Variants in ARHGEF3 observed in about 807,000 individuals in gnomAD.
ARHGEF3 encodes 59.8 kDA protein.
A neutral mutation model predicts 63.2 loss-of-function variants in ARHGEF3; 28 were observed. That is an observed-to-expected ratio of 0.44 (90% CI 0.33 to 0.61). The LOEUF is 0.61. ARHGEF3 is among the 20% of genes least tolerant of loss of function. ARHGEF3 has a pLI of 0.03. For missense variants in ARHGEF3, 533 were observed against 659.3 expected, an observed-to-expected ratio of 0.81 and a Z score of 2.10; for synonymous variants, 266 against 254.2, an observed-to-expected ratio of 1.05 and a Z score of -0.44.
intron 2 of ARHGEF3, among the ~76,000 whole-genome samples, chr3:56,766,890 A>G (rs1299978363): frequency 6.6e-6 from 1 of 152,256 alleles, no homozygotes; most frequent in Non-Finnish European, 1.5e-5. Flanking sequence ...AGACATACAC[A>G]TGATCAGGAT....
At chr3:56,917,616 T>C (rs1327335043) in intron 3 of ARHGEF3, among the ~76,000 whole-genome samples, 2 of 152,118 alleles carry the variant, frequency 1.3e-5, no homozygotes, top group African/African-American at 4.8e-5. Context: ...AGGAAATAAG[T>C]GAGCTTGGCA....
chr3:56,943,344 G>C (rs1699283458), intron 3 of ARHGEF3, among the ~76,000 whole-genome samples: 2 of 152,160 alleles, frequency 1.3e-5, no homozygotes, highest in African/African-American at 2.4e-5. Context: ...TACTTTGCCT[G>C]TGCTCTATAA....
intron 2 of ARHGEF3, among the ~76,000 whole-genome samples, chr3:57,002,423 A>T (rs1702233285): frequency 2.0e-5 from 1 of 50,742 alleles, no homozygotes; most frequent in African/African-American, 5.7e-5. Context: ...TGTTCTAAGC[A>T]CTATATATAT....
At chr3:57,062,738 C>A (rs1468800875) in intron 1 of ARHGEF3, among the ~76,000 whole-genome samples, 1 of 152,126 alleles carries the variant, frequency 6.6e-6, no homozygotes, top group Non-Finnish European at 1.5e-5. Flanking sequence ...TGCACACACA[C>A]ATACATACAC....
chr3:57,042,669 TATATATATATATATATATATATATATA>T (rs1251876713), intron 1 of ARHGEF3, among the ~76,000 whole-genome samples: 29 of 14,280 alleles, frequency 2.0e-3, no homozygotes, highest in African/African-American at 0.01. Context: ...TATATATATA[TATATATATATATATATATATATATATA>T]TATATTTTTT....
At chr3:56,988,896 A>G (rs1347320416) in intron 2 of ARHGEF3, among the ~76,000 whole-genome samples, 1 of 152,212 alleles carries the variant, frequency 6.6e-6, no homozygotes, top group African/African-American at 2.4e-5. Context: ...TTTGATGCCC[A>G]GACAACAGCA....
intron 1 of ARHGEF3, among the ~76,000 whole-genome samples, chr3:56,794,782 G>A (rs55708485): frequency 0.26 from 38,900 of 152,000 alleles, 5,875 homozygotes; most frequent in Middle Eastern, 0.49. Flanking sequence ...AGTGATAATC[G>A]TTGTTATCCT....
At chr3:57,003,729 A>G (rs1453839248) in intron 2 of ARHGEF3, among the ~76,000 whole-genome samples, 1 of 152,152 alleles carries the variant, frequency 6.6e-6, no homozygotes, top group Non-Finnish European at 1.5e-5. Context: ...GGGAAGCAAG[A>G]AGGTCCGAGC....
chr3:57,064,509 C>T (rs1345115803), intron 1 of ARHGEF3, among the ~76,000 whole-genome samples: 1 of 152,048 alleles, frequency 6.6e-6, no homozygotes, highest in African/African-American at 2.4e-5. Flanking sequence ...TTTTTGTAGA[C>T]AGGGTATCAC....
At position 56,732,016 on chromosome 3, in the gene ARHGEF3, T is replaced by C. The variant is rs1428408556; in HGVS notation, c.1228+222A>G. The C allele has an allele frequency of 6.5e-6, 4 of 613,068 alleles. No individual in the cohort carries two copies. In the Admixed American group the frequency reaches 8.8e-5, roughly 13 times the overall value. 38.0% of individuals were successfully genotyped at this position (613,068 alleles called of 1,614,324 possible). On this transcript the variant is annotated intron_variant, in intron 9 of 9. Coordinates refer to ENST00000296315, the MANE Select transcript of ARHGEF3 (RefSeq NM_019555.3). ...CTTAGATTATCTTACTAAATCCTTA[T>C]AACAATCTTATGAAGGAGGTACCTA... is the stretch of plus-strand genomic sequence containing the variant.
chr3:56,803,876 C>T (rs912329678), upstream of ARHGEF3, among the ~76,000 whole-genome samples: 1 of 140,276 alleles, frequency 7.1e-6, no homozygotes, highest in Non-Finnish European at 1.5e-5. Flanking sequence ...TTATAATTAT[C>T]ATATTTTCTT....
chr3:56,787,497 T>C (rs6779093), intron 1 of ARHGEF3, among the ~76,000 whole-genome samples: 104,660 of 151,512 alleles, frequency 0.69, 37,978 homozygotes, highest in East Asian at 0.93. Context: ...AAGGAGGCAC[T>C]GAGAGCCATG....
At chr3:56,892,451 T>A (rs1029622757) in intron 3 of ARHGEF3, among the ~76,000 whole-genome samples, 2 of 152,328 alleles carry the variant, frequency 1.3e-5, no homozygotes, top group Non-Finnish European at 2.9e-5. Flanking sequence ...AATCCTTGGT[T>A]CATAATATGC....
chr3:56,807,219 A>G (rs984427168), intron 4 of ARHGEF3, among the ~76,000 whole-genome samples: 1 of 152,060 alleles, frequency 6.6e-6, no homozygotes, highest in Non-Finnish European at 1.5e-5. Flanking sequence ...TTGTTCATCC[A>G]TCCGTTCATT....
chr3:56,973,146 A>G (rs1046996511), intron 2 of ARHGEF3, among the ~76,000 whole-genome samples: 1 of 151,788 alleles, frequency 6.6e-6, no homozygotes, highest in Non-Finnish European at 1.5e-5. Context: ...CCTCCCGAGT[A>G]GCTGGGACTA....
intron 4 of ARHGEF3, among the ~76,000 whole-genome samples, chr3:56,868,907 G>A (rs1417867585): frequency 6.6e-6 from 1 of 152,306 alleles, no homozygotes; most frequent in East Asian, 1.9e-4. Context: ...CGTGTATGAT[G>A]TATGGCAGAG....
At chr3:56,984,892 G>A (rs1041752214) in intron 2 of ARHGEF3, among the ~76,000 whole-genome samples, 4 of 152,174 alleles carry the variant, frequency 2.6e-5, no homozygotes, top group African/African-American at 7.2e-5. Flanking sequence ...TGGTGGCCCC[G>A]TAATGACCAA....
At chr3:56,970,837 G>A (rs1488839440) in intron 2 of ARHGEF3, among the ~76,000 whole-genome samples, 2 of 152,222 alleles carry the variant, frequency 1.3e-5, no homozygotes, top group African/African-American at 4.8e-5. Context: ...GCTGGAGCCG[G>A]CTCTGCAACT....
chr3:56,910,290 C>T (rs1160934287), intron 3 of ARHGEF3, among the ~76,000 whole-genome samples: 1 of 152,168 alleles, frequency 6.6e-6, no homozygotes, highest in African/African-American at 2.4e-5. Flanking sequence ...GTGGGGACTC[C>T]AAAGACCCAT....
Sources: gnomAD v4.1 joint callset for allele counts (sites outside exome capture counted in the v4.1 genomes callset) on GRCh38, gnomAD v4.1.1 for gene constraint, MANE v1.5 for transcripts, NCBI Gene and HGNC (gene_info 2026-07-23, HGNC 2026-07-21) for gene names.